NAALADL2: variants seen among roughly 807,000 people sequenced by gnomAD.
NAALADL2 encodes the protein inactive N-acetylated-alpha-linked acidic dipeptidase-like protein 2.
In NAALADL2, 76 loss-of-function variants were observed where a neutral mutation model predicts 87.2. The ratio of observed to expected loss-of-function variants is 0.87; its 90% CI spans 0.72 to 1.05. The LOEUF (loss-of-function observed/expected upper bound fraction) is 1.05, where lower values mean the gene tolerates loss of function less well. NAALADL2 is among the 50% of genes least tolerant of loss of function. The pLI, the probability that NAALADL2 is intolerant of heterozygous loss-of-function variation, is 0.00. For synonymous variants in NAALADL2, 354 were observed against 331.0 expected (o/e 1.07, Z -0.75); for missense variants, 1,089 against 945.8 (o/e 1.15, Z -1.99).
intron 1 of NAALADL2, among the ~76,000 whole-genome samples, chr3:174,461,631 CTT>C (rs1185137184): frequency 1.3e-5 from 2 of 152,026 alleles, no homozygotes; most frequent in African/African-American, 4.8e-5. Flanking sequence ...TTTGTAGTAA[CTT>C]ATATTACAAC....
chr3:174,723,448 T>A (rs556833879), intron 2 of NAALADL2, among the ~76,000 whole-genome samples: 61 of 152,090 alleles, frequency 4.0e-4, no homozygotes, highest in Admixed American at 9.8e-4. Context: ...TAGAAAATAT[T>A]AAAGGGAATA....
chr3:175,548,101 C>G (rs538263798), intron 9 of NAALADL2, among the ~76,000 whole-genome samples: 1 of 152,000 alleles, frequency 6.6e-6, no homozygotes, highest in Non-Finnish European at 1.5e-5. Flanking sequence ...CACATGCACA[C>G]GTATGTTCAT....
At chr3:175,471,863 G>A (rs916606413) in intron 9 of NAALADL2, 105 bp downstream of exon 9, 4 of 939,084 alleles carry the variant, frequency 4.3e-6, no homozygotes, top group Middle Eastern at 2.1e-4. Context: ...TGCATCAAAT[G>A]TTGTATAAGT....
At chr3:175,234,593 G>T (rs1236017367) in intron 3 of NAALADL2, among the ~76,000 whole-genome samples, 2 of 152,110 alleles carry the variant, frequency 1.3e-5, no homozygotes, top group African/African-American at 4.8e-5. Context: ...GAAATTAAGT[G>T]GAAAATTGAT....
chr3:175,624,403 G>A (rs750995298), intron 10 of NAALADL2, among the ~76,000 whole-genome samples: 1 of 151,938 alleles, frequency 6.6e-6, no homozygotes, highest in Non-Finnish European at 1.5e-5. Flanking sequence ...TTACTGCATG[G>A]AATATTTAAT....
chr3:175,164,876 T>C (rs926482107), intron 2 of NAALADL2, among the ~76,000 whole-genome samples: 5 of 152,094 alleles, frequency 3.3e-5, no homozygotes, highest in East Asian at 3.9e-4. Flanking sequence ...TGAACTACAA[T>C]CAAATGTAAC....
chr3:174,979,492 A>G (rs1244014589), intron 1 of NAALADL2, among the ~76,000 whole-genome samples: 1 of 151,234 alleles, frequency 6.6e-6, no homozygotes, highest in Non-Finnish European at 1.5e-5. Context: ...TTTTTAGTAG[A>G]GATGGGGTTT....
At chr3:174,763,838 AAAAAC>A (rs1361765857) in intron 3 of NAALADL2, among the ~76,000 whole-genome samples, 18 of 151,850 alleles carry the variant, frequency 1.2e-4, no homozygotes, top group Admixed American at 7.9e-4. Context: ...ACAAAAAAAA[AAAAAC>A]AAACAAAATT....
At chr3:175,015,388 G>T (rs143320077) in intron 1 of NAALADL2, among the ~76,000 whole-genome samples, 4 of 152,104 alleles carry the variant, frequency 2.6e-5, no homozygotes, top group Non-Finnish European at 4.4e-5. Flanking sequence ...TTAGGGAAAA[G>T]CCTGTTCTGC....
intron 2 of NAALADL2, among the ~76,000 whole-genome samples, chr3:174,582,589 C>CT (rs1210581800): frequency 4.0e-5 from 6 of 150,942 alleles, no homozygotes; most frequent in Middle Eastern, 3.2e-3. Flanking sequence ...GACTTCATTT[C>CT]TTTTTTTTTG....
chr3:175,366,156 A>G (rs1305280653), intron 5 of NAALADL2, among the ~76,000 whole-genome samples: 2 of 143,264 alleles, frequency 1.4e-5, no homozygotes, highest in Admixed American at 7.3e-5. Context: ...ATGATTTCCA[A>G]TTTCATCCAT....
At chr3:175,357,133 T>C (rs980436566) in intron 5 of NAALADL2, among the ~76,000 whole-genome samples, 4 of 152,190 alleles carry the variant, frequency 2.6e-5, no homozygotes, top group Non-Finnish European at 4.4e-5. Context: ...CTCCTCACTA[T>C]TTTTTATTCC....
At position 175,106,197 on chromosome 3, in the gene NAALADL2, A is replaced by G. The variant is rs576131477; in HGVS notation, c.545+8906A>G. 6.7e-5 allele frequency among the ~76,000 whole-genome samples: 10 copies of G among 148,880 alleles called. No homozygotes were observed. The East Asian group carries it at 2.0e-3, about 30-fold the overall frequency. On this transcript the variant is annotated intron_variant, in intron 2 of 13. Transcript: ENST00000454872. ...AAATGTCCTTTTCTTCATCTTTTTTATTAAGTCTATCTGATGTAAAGCATC... is the reference window on the plus strand; with the variant it reads ...AAATGTCCTTTTCTTCATCTTTTTTGTTAAGTCTATCTGATGTAAAGCATC...
At chr3:175,060,170 G>C (rs930332336) in intron 1 of NAALADL2, 2 of 173,732 alleles carry the variant, frequency 1.2e-5, no homozygotes, top group Admixed American at 6.4e-5. Context: ...AACCCCAACT[G>C]TATTTAGCAA....
chr3:174,937,273 C>T lies in NAALADL2; in HGVS notation c.43+77823C>T, dbSNP rs149653096. Among the ~76,000 whole-genome samples, 6 of 152,038 alleles carry T rather than the reference C, an allele frequency of 3.9e-5. 1 individual carries two copies. The East Asian group carries it at 1.2e-3, about 29-fold the overall frequency. On this transcript the variant is annotated intron_variant, in intron 1 of 13. Coordinates refer to ENST00000454872, the MANE Select transcript of NAALADL2 (RefSeq NM_207015.3). ...TACAGAAGAAAGCTAAGCTAGGGTCCCTATTCCTCTTGGATAATTACAATT... is the reference window on the plus strand; with the variant it reads ...TACAGAAGAAAGCTAAGCTAGGGTCTCTATTCCTCTTGGATAATTACAATT...
intron 1 of NAALADL2, among the ~76,000 whole-genome samples, chr3:175,018,164 A>G (rs1751095072): frequency 6.6e-6 from 1 of 152,122 alleles, no homozygotes; most frequent in South Asian, 2.1e-4. Flanking sequence ...AAAGATGTAC[A>G]GGGATGACTC....
intron 11 of NAALADL2, among the ~76,000 whole-genome samples, chr3:175,656,075 A>G (rs1415746769): frequency 6.6e-6 from 1 of 152,176 alleles, no homozygotes; most frequent in Non-Finnish European, 1.5e-5. Context: ...GGTTAATACT[A>G]TAGCCGAGTT....
At chr3:174,886,286 T>A (rs1421131861) in intron 1 of NAALADL2, among the ~76,000 whole-genome samples, 1 of 152,090 alleles carries the variant, frequency 6.6e-6, no homozygotes, top group Non-Finnish European at 1.5e-5. Flanking sequence ...AGGAGAAAGA[T>A]GTAGGCTGGG....
chr3:174,669,811 CT>C (rs1233274814), intron 2 of NAALADL2, among the ~76,000 whole-genome samples: 2 of 151,896 alleles, frequency 1.3e-5, no homozygotes, highest in Non-Finnish European at 2.9e-5. Flanking sequence ...TTAATTGAAT[CT>C]GTAGGTAGCT....
Sources: allele counts gnomAD v4.1 joint callset (sites outside exome capture counted in the v4.1 genomes callset), GRCh38; gene constraint gnomAD v4.1.1; transcripts MANE v1.5; gene names NCBI Gene and HGNC (gene_info 2026-07-23, HGNC 2026-07-21).